NLRC5: variants seen among roughly 807,000 people sequenced by gnomAD.
NLRC5 encodes the protein NLR family CARD domain containing 5.
In NLRC5, 114 loss-of-function variants were observed where a neutral mutation model predicts 206.9. The ratio of observed to expected loss-of-function variants is 0.55; its 90% CI spans 0.47 to 0.64. The LOEUF (loss-of-function observed/expected upper bound fraction) is 0.64. Ranked by LOEUF, NLRC5 falls within the 30% of genes least tolerant of loss-of-function variation. The pLI is 0.00. For synonymous variants in NLRC5, 952 were observed against 962.8 expected (o/e 0.99, Z 0.21); for missense variants, 2,008 against 2,305.5 (o/e 0.87, Z 2.64).
chr16:57,013,521 T>C lies in NLRC5; in HGVS notation c.-127-3553T>C. 3.7e-6 allele frequency: 3 copies of C among 820,174 alleles called. No homozygotes were observed. The South Asian group carries it at 4.1e-5, about 11-fold the overall frequency. 50.8% of individuals were successfully genotyped at this position (820,174 alleles called of 1,614,324 possible). ...ATTCCATTGGCTGCTTGTGCTTTCA[T>C]CATTACAGTACAATTAACTTCAGAA... On this transcript the variant is annotated intron_variant, in intron 1 of 48. Coordinates refer to ENST00000688547, the MANE Select transcript of NLRC5 (RefSeq NM_001384950.1).
At chr16:57,050,519 T>G (rs1597360903) in intron 23 of NLRC5, among the ~76,000 whole-genome samples, 1 of 149,876 alleles carries the variant, frequency 6.7e-6, no homozygotes, top group Admixed American at 6.7e-5. Flanking sequence ...AAGGGGGAGG[T>G]GGAGAAGGCA....
In NLRC5 at chr16:57,045,915, G is replaced by A. The variant is rs114110218; in HGVS notation, c.3248+423G>A. On this transcript the variant is annotated intron_variant, in intron 21 of 48. Transcript: ENST00000688547. Reference sequence around the variant, plus strand: ...GGTGCTCTGAAAAAACATTTTCCCCGTCTTCGCAGTAAACAACCAATACTA... The same window carrying A: ...GGTGCTCTGAAAAAACATTTTCCCCATCTTCGCAGTAAACAACCAATACTA... Among the ~76,000 whole-genome samples the A allele has an allele frequency of 5.2e-3, 794 of 152,350 alleles. 7 individuals carry two copies. The highest frequency in any genetic ancestry group is 0.018 in the African/African-American group (762 of 41,576).
chr16:57,029,229 C>T (rs1263188179), intron 8 of NLRC5, among the ~76,000 whole-genome samples: 1 of 152,154 alleles, frequency 6.6e-6, no homozygotes, highest in Admixed American at 6.5e-5. Flanking sequence ...CTTTCATCAC[C>T]CACCATTGTT....
At chr16:56,997,444 C>A (rs1213118769) in intron 1 of NLRC5, among the ~76,000 whole-genome samples, 3 of 152,116 alleles carry the variant, frequency 2.0e-5, no homozygotes, top group African/African-American at 7.2e-5. Context: ...GTAAAATCAC[C>A]ACCCAGATGA....
chr16:57,061,248 G>C (rs566812809), intron 30 of NLRC5, among the ~76,000 whole-genome samples, 200 bp from the exon 31 acceptor site: 3 of 152,338 alleles, frequency 2.0e-5, no homozygotes, highest in Admixed American at 6.5e-5. Flanking sequence ...TTTCTTACAG[G>C]GGGTGTGGGA....
intron 27 of NLRC5, among the ~76,000 whole-genome samples, chr16:57,057,415 C>T (rs188772397): frequency 4.7e-4 from 72 of 152,326 alleles, no homozygotes; most frequent in African/African-American, 1.7e-3. Context: ...CAGAGCAAGA[C>T]TCCATCTCAA....
rs757264031 is a variant in NLRC5, at chr16:57,033,644, G to T, written c.2518G>T (p.Ala840Ser). Residue 840 changes from alanine to serine, a missense_variant, in exon 12 of 49, where the codon GCT (alanine) becomes TCT (serine). Ala to Ser is a moderately conservative substitution (Grantham distance 99). Coordinates refer to ENST00000688547, the MANE Select transcript of NLRC5 (RefSeq NM_001384950.1). ...GGAAAGTGACGGCCAGAGGAAAGGG[G>T]CTCAGAGCAGAAGCTTGACGCTCAG... is the stretch of plus-strand genomic sequence containing the variant. ...LQESDGQRKG[A>S]QSRSLTLRLQ... The T allele has an allele frequency of 4.5e-5, 73 of 1,613,990 alleles. 1 individual carries two copies. The South Asian group carries it at 6.1e-4, about 14-fold the overall frequency.
At chr16:57,035,773 C>A (rs188770224) in intron 13 of NLRC5, among the ~76,000 whole-genome samples, 2 of 152,348 alleles carry the variant, frequency 1.3e-5, no homozygotes, top group Non-Finnish European at 2.9e-5. Context: ...GGCAGGCTGC[C>A]TGGGTTCAAA....
At chr16:57,045,041 C>G (rs2063759880) in intron 20 of NLRC5, among the ~76,000 whole-genome samples, 1 of 152,030 alleles carries the variant, frequency 6.6e-6, no homozygotes, top group Non-Finnish European at 1.5e-5. Context: ...CCCATCTCTA[C>G]AAAAAATACA....
chr16:57,060,573 C>A (rs1567622934), intron 30 of NLRC5, among the ~76,000 whole-genome samples: 3 of 151,830 alleles, frequency 2.0e-5, no homozygotes, highest in East Asian at 3.9e-4. Context: ...AAACCCCCCA[C>A]ATACATACCT....
intron 25 of NLRC5, 49 bp from the exon 26 acceptor site, chr16:57,054,983 T>A (rs2065419135): frequency 6.2e-7 from 1 of 1,611,380 alleles, no homozygotes; most frequent in Non-Finnish European, 8.5e-7. Context: ...CGTGGGGGCA[T>A]CCTGAGGCTG....
At chr16:57,013,669 T>C in intron 1 of NLRC5, 1 of 894,222 alleles carries the variant, frequency 1.1e-6, no homozygotes, top group Non-Finnish European at 1.9e-6. Flanking sequence ...GAATCTTGTA[T>C]GATGAACTCA....
chr16:57,063,055 C>T (rs1193850425), intron 32 of NLRC5, among the ~76,000 whole-genome samples: 2 of 151,028 alleles, frequency 1.3e-5, no homozygotes, highest in Non-Finnish European at 2.9e-5. Context: ...GGCATAATGT[C>T]CTCTGGTTCA....
rs746931634 is a variant in NLRC5, at chr16:57,026,990, G to C, written c.2047G>C (p.Val683Leu). The C allele has an allele frequency of 2.7e-5, 43 of 1,613,986 alleles. No homozygotes were observed. The highest frequency in any genetic ancestry group is 3.4e-5 in the Non-Finnish European group (40 of 1,179,984). ...GGAGCCCCACTGCCCTGAGGCTCTGGTAGGCTGTGGGCAGATAGAGAATCT... is the reference window on the plus strand; with the variant it reads ...GGAGCCCCACTGCCCTGAGGCTCTGCTAGGCTGTGGGCAGATAGAGAATCT... Reference protein sequence around the residue: ...PLEPHCPEALVGCGQIENLSF... With the variant: ...PLEPHCPEALLGCGQIENLSF... Residue 683 changes from valine to leucine, a missense_variant, in exon 6 of 49, where the codon GTA becomes CTA. Coordinates refer to ENST00000688547, the MANE Select transcript of NLRC5 (RefSeq NM_001384950.1).
intron 32 of NLRC5, among the ~76,000 whole-genome samples, chr16:57,064,408 A>C (rs1051513496): frequency 6.6e-6 from 1 of 152,230 alleles, no homozygotes; most frequent in Non-Finnish European, 1.5e-5. Context: ...GAAGACATAA[A>C]ATAAAAATCA....
At chr16:57,006,813 C>T (rs950261747) in intron 1 of NLRC5, among the ~76,000 whole-genome samples, 4 of 151,614 alleles carry the variant, frequency 2.6e-5, no homozygotes, top group South Asian at 2.1e-4. Flanking sequence ...TACATGTCCA[C>T]GGATGAATTT....
chr16:57,041,364 TCCCAGTC>T, intron 17 of NLRC5, 114 bp from the exon 18 acceptor site: 2 of 742,676 alleles, frequency 2.7e-6, no homozygotes, highest in Non-Finnish European at 4.5e-6. Flanking sequence ...GCCAGATACA[TCCCAGTC>T]CCTCCTCTCC....
chr16:56,994,319 G>A lies in NLRC5; in HGVS notation c.-128+4702G>A, dbSNP rs916184813. Among the ~76,000 whole-genome samples the A allele has an allele frequency of 2.6e-5, 4 of 152,232 alleles. No homozygotes were observed. The South Asian group carries it at 6.2e-4, about 24-fold the overall frequency. On this transcript the variant is annotated intron_variant, in intron 1 of 48. Transcript: ENST00000688547. ...AAAAGGGCATTTTCGGTGAGTCCAG[G>A]AATGCCCTCTGCTCCGTGTGAGGCA...
chr16:56,998,022 T>G (rs1413175164), intron 1 of NLRC5, among the ~76,000 whole-genome samples: 1 of 151,864 alleles, frequency 6.6e-6, no homozygotes, highest in Non-Finnish European at 1.5e-5. Flanking sequence ...CAGTTTTGGG[T>G]CAGTGAGACC....
Sources: gnomAD v4.1 joint callset for allele counts (sites outside exome capture counted in the v4.1 genomes callset) on GRCh38, gnomAD v4.1.1 for gene constraint, MANE v1.5 for transcripts, NCBI Gene and HGNC (gene_info 2026-07-23, HGNC 2026-07-21) for gene names.